The following SLCO1B3 variants were observed in gnomAD, a reference collection of about 807,000 sequenced individuals.
SLCO1B3 encodes solute carrier organic anion transporter family member 1B3, also known as liver-specific organic anion transporter 2.
SLCO1B3 carries 72 observed loss-of-function variants against 71.8 expected under a neutral mutation model. The ratio of observed to expected loss-of-function variants is 1.00; its 90% CI spans 0.83 to 1.22. The LOEUF (loss-of-function observed/expected upper bound fraction) is 1.22. Among genes scored for constraint, SLCO1B3 ranks in the 50% most tolerant of loss-of-function variants. The probability of loss-of-function intolerance (pLI) is 0.00; values close to 1 mark genes in which losing one functional copy is unlikely to be tolerated. For missense variants in SLCO1B3, 911 were observed against 819.7 expected (o/e 1.11, Z -1.36); for synonymous variants, 298 against 278.4 (o/e 1.07, Z -0.70).
intron 8 of SLCO1B3, among the ~76,000 whole-genome samples, chr12:20,873,661 C>G (rs1352560134): frequency 6.6e-6 from 1 of 152,168 alleles, no homozygotes; most frequent in East Asian, 1.9e-4. Context: ...AGGTTTGTTA[C>G]ATAGGTAAAC....
intron 3 of SLCO1B3, among the ~76,000 whole-genome samples, chr12:20,829,219 T>C (rs1028513789): frequency 3.3e-5 from 5 of 152,234 alleles, no homozygotes; most frequent in African/African-American, 1.2e-4. Flanking sequence ...TACGGAGAAA[T>C]TAAGGCCAGC....
chr12:20,905,717 G>A (rs1866230734), intron 15 of SLCO1B3, among the ~76,000 whole-genome samples: 1 of 152,144 alleles, frequency 6.6e-6, no homozygotes, highest in African/African-American at 2.4e-5. Flanking sequence ...GAACTTCATT[G>A]TCCATATCAC....
chr12:20,847,845 G>A (rs1864948223), intron 3 of SLCO1B3, among the ~76,000 whole-genome samples: 1 of 152,002 alleles, frequency 6.6e-6, no homozygotes, highest in Non-Finnish European at 1.5e-5. Flanking sequence ...TGGGCTGGCT[G>A]AGAACACCAC....
At chr12:20,828,236 G>A (rs1244530854) in intron 3 of SLCO1B3, among the ~76,000 whole-genome samples, 1 of 143,974 alleles carries the variant, frequency 6.9e-6, no homozygotes, top group African/African-American at 2.7e-5. Context: ...TTCTCTAAGT[G>A]TCTAAACCAC....
intron 1 of SLCO1B3, among the ~76,000 whole-genome samples, chr12:20,812,567 T>C (rs1325194627): frequency 6.6e-6 from 1 of 152,204 alleles, no homozygotes; most frequent in Non-Finnish European, 1.5e-5. Flanking sequence ...CTGCAAGTGC[T>C]TATGGTTGTA....
intron 3 of SLCO1B3, among the ~76,000 whole-genome samples, chr12:20,824,896 A>G (rs1373145702): frequency 1.3e-5 from 2 of 152,160 alleles, no homozygotes; most frequent in Non-Finnish European, 2.9e-5. Flanking sequence ...ATATGATAAT[A>G]TAGGCTCATA....
Position 20,815,770 on chromosome 12 carries a change from CAG to C in SLCO1B3, c.35_36del (p.Glu12ValfsTer29). On this transcript the variant is annotated frameshift_variant, in exon 3 of 16. Coordinates refer to ENST00000381545, the MANE Select transcript of SLCO1B3 (RefSeq NM_019844.4). LOFTEE classifies it high-confidence loss of function. ...CAACATCAACATTTGAATAAAACAG[CAG>C]AGTCAGCATCTTCAGAGAAAAAGAA... The C allele has an allele frequency of 6.3e-7, 1 of 1,598,548 alleles. No homozygotes were observed. The highest frequency in any genetic ancestry group is 8.5e-7 in the Non-Finnish European group (1 of 1,170,928).
intron 3 of SLCO1B3, among the ~76,000 whole-genome samples, chr12:20,832,552 T>A (rs942057706): frequency 3.3e-5 from 5 of 152,032 alleles, no homozygotes; most frequent in Admixed American, 6.6e-5. Context: ...TCATTGTCAC[T>A]CCCTTTCTGG....
chr12:20,876,684 T>A (rs1865586325), intron 9 of SLCO1B3, among the ~76,000 whole-genome samples: 1 of 152,128 alleles, frequency 6.6e-6, no homozygotes, highest in Non-Finnish European at 1.5e-5. Context: ...ACAAATCGAG[T>A]TTGTTTCCCA....
Position 20,883,575 on chromosome 12 carries a change from G to A in SLCO1B3, c.1655G>A (p.Gly552Asp). 3.8e-6 allele frequency: 6 copies of A among 1,594,838 alleles called. No individual in the cohort carries two copies. The highest frequency in any genetic ancestry group is 5.1e-6 in the Non-Finnish European group (6 of 1,172,984). Reference sequence around the variant, plus strand: ...AACTCTTTGTTCTCTGCAACAGGAGGTACCACATTTATCTTGTTGACTGTG... The same window carrying A: ...AACTCTTTGTTCTCTGCAACAGGAGATACCACATTTATCTTGTTGACTGTG... ...VINSLFSATG[G>D]TTFILLTVKI... The change falls in exon 13 of 16, where the codon GGT (glycine) becomes GAT (aspartate). Residue 552 changes from glycine (G) to aspartate (D), a missense_variant. Transcript: ENST00000381545.
chr12:20,860,881 G>A (rs926058073), intron 5 of SLCO1B3, 136 bp from the exon 6 acceptor site: 9 of 866,384 alleles, frequency 1.0e-5, no homozygotes, highest in Admixed American at 6.4e-5. Context: ...TACATGCTGG[G>A]AAGTTGACAA....
chr12:20,873,667 T>C (rs1284248417), intron 8 of SLCO1B3, among the ~76,000 whole-genome samples: 1 of 152,182 alleles, frequency 6.6e-6, no homozygotes, highest in Non-Finnish European at 1.5e-5. Flanking sequence ...GTTACATAGG[T>C]AAACATGTGC....
At chr12:20,889,760 T>C (rs1429688076) in intron 13 of SLCO1B3, among the ~76,000 whole-genome samples, 2 of 152,272 alleles carry the variant, frequency 1.3e-5, no homozygotes, top group Non-Finnish European at 1.5e-5. Flanking sequence ...GTTTTACTAG[T>C]TCTGTGAGAC....
rs530679020 is a variant in SLCO1B3, at chr12:20,884,679, A to G, written c.1682+1077A>G. On this transcript the variant is annotated intron_variant, in intron 13 of 15. Transcript: ENST00000381545. ...CATGTAGATCTTAAAAATATACATG[A>G]TAAGTAGAGTGACCTGGGGTAACAC... 1.0e-3 allele frequency among the ~76,000 whole-genome samples: 157 copies of G among 152,046 alleles called. 2 individuals carry two copies. The highest frequency in any genetic ancestry group is 0.01 in the Middle Eastern group (3 of 294).
intron 3 of SLCO1B3, among the ~76,000 whole-genome samples, chr12:20,832,493 A>G (rs1323668880): frequency 1.5e-5 from 2 of 132,778 alleles, no homozygotes; most frequent in Non-Finnish European, 3.2e-5. Context: ...AAAAGTAATG[A>G]TTATTAAAAA....
chr12:20,877,718 C>G (rs1339597871), intron 9 of SLCO1B3, 54 bp from the exon 10 acceptor site: 4 of 770,896 alleles, frequency 5.2e-6, no homozygotes, highest in Non-Finnish European at 7.1e-6. Context: ...TTACAAAATT[C>G]AGATATTAAT....
At chr12:20,853,847 A>G (rs1172412026) in intron 3 of SLCO1B3, among the ~76,000 whole-genome samples, 1 of 151,758 alleles carries the variant, frequency 6.6e-6, no homozygotes, top group African/African-American at 2.4e-5. Context: ...CTTAATATCA[A>G]TTTATAAACT....
chr12:20,874,622 AT>A (rs1865542401), intron 8 of SLCO1B3, among the ~76,000 whole-genome samples: 1 of 152,210 alleles, frequency 6.6e-6, no homozygotes, highest in Non-Finnish European at 1.5e-5. Flanking sequence ...TAAGGGAAAT[AT>A]AGTTGAAATA....
At chr12:20,841,901 TTGA>T (rs770063617) in intron 3 of SLCO1B3, among the ~76,000 whole-genome samples, 17,484 of 118,980 alleles carry the variant, frequency 0.15, 1,069 homozygotes, top group Middle Eastern at 0.27. Context: ...TTTTTTTTTT[TTGA>T]GACAGAGTCT....
Sources: allele counts gnomAD v4.1 joint callset (sites outside exome capture counted in the v4.1 genomes callset), GRCh38; gene constraint gnomAD v4.1.1; transcripts MANE v1.5; gene names NCBI Gene and HGNC (gene_info 2026-07-23, HGNC 2026-07-21).